The following PTPN9 variants were observed in gnomAD, a reference collection of about 807,000 sequenced individuals.
The protein encoded by PTPN9 is protein tyrosine phosphatase non-receptor type 9.
Under a neutral mutation model 69.8 loss-of-function variants are expected in PTPN9, and 26 were observed. That is an observed-to-expected ratio of 0.37 (90% CI 0.27 to 0.52). The LOEUF (loss-of-function observed/expected upper bound fraction) is 0.52. Ranked by LOEUF, PTPN9 falls within the 20% of genes least tolerant of loss-of-function variation. PTPN9 has a pLI of 0.91. For synonymous variants in PTPN9, 274 were observed against 272.5 expected (o/e 1.01, Z -0.05); for missense variants, 549 against 740.3 (o/e 0.74, Z 3.00).
At position 75,492,363 on chromosome 15, in the gene PTPN9, C is replaced by T. The variant is rs550561218; in HGVS notation, c.969-2062G>A. ...AAGCAGATAGGAGGATTTTGGCTGA[C>T]GTGGCCAGACACAGAAGCTAGGACC... On this transcript the variant is annotated intron_variant, in intron 7 of 12. Coordinates refer to ENST00000618819, the MANE Select transcript of PTPN9 (RefSeq NM_002833.4). Among the ~76,000 whole-genome samples the T allele has an allele frequency of 2.6e-5, 4 of 152,226 alleles. No individual in the cohort carries two copies. The South Asian group carries it at 6.2e-4, about 24-fold the overall frequency.
At chr15:75,526,970 C>G in intron 2 of PTPN9, 148 bp downstream of exon 2, 1 of 978,644 alleles carries the variant, frequency 1.0e-6, no homozygotes, top group Non-Finnish European at 1.5e-6. Flanking sequence ...CCAGCTTCAG[C>G]TCTCACAAGG....
Position 75,469,507 on chromosome 15 carries a change from G to A in PTPN9, c.1567+285C>T, listed in dbSNP as rs538761957. Reference sequence around the variant, plus strand: ...GGGAAGGAAGCAGCAGCCCAGCTGAGCTCTCTGGGATACCTGCAGTGACAG... The same window carrying A: ...GGGAAGGAAGCAGCAGCCCAGCTGAACTCTCTGGGATACCTGCAGTGACAG... On this transcript the variant is annotated intron_variant, in intron 12 of 12. Coordinates refer to ENST00000618819, the MANE Select transcript of PTPN9 (RefSeq NM_002833.4). Among the ~76,000 whole-genome samples, 4 of 152,366 alleles carry A rather than the reference G, an allele frequency of 2.6e-5. No homozygotes were observed. In the South Asian group the frequency reaches 8.3e-4, roughly 32 times the overall value.
At chr15:75,501,885 C>T (rs750721526) in intron 7 of PTPN9, among the ~76,000 whole-genome samples, 27 of 152,058 alleles carry the variant, frequency 1.8e-4, no homozygotes, top group African/African-American at 4.8e-4. Flanking sequence ...TGACCAGGTG[C>T]GGTGGCTCAC....
At position 75,504,639 on chromosome 15, in the gene PTPN9, T is replaced by TG. The variant is rs1177030471; in HGVS notation, c.968+1035dup. Among the ~76,000 whole-genome samples, 29 of 106,378 alleles carry TG rather than the reference T, an allele frequency of 2.7e-4. 1 individual carries two copies. The highest frequency in any genetic ancestry group is 1.7e-3 in the East Asian group (5 of 3,020). The allele number at this position is 106,378 out of a possible 152,430, so 69.8% of individuals were successfully genotyped here. A position where few individuals can be genotyped will look rare whatever the true frequency, so the allele number is the denominator to read the frequency against. ...CCAGCCGCCCCGTCTGGGAGGGAGG[T>TG]GGGGGGGTCAGCCCCCCGCCCGGCC... On this transcript the variant is annotated intron_variant, in intron 7 of 12. Coordinates refer to ENST00000618819, the MANE Select transcript of PTPN9 (RefSeq NM_002833.4).
intron 5 of PTPN9, among the ~76,000 whole-genome samples, chr15:75,511,718 T>A (rs2074845994): frequency 6.6e-6 from 1 of 152,206 alleles, no homozygotes; most frequent in South Asian, 2.1e-4. Context: ...TTTAACAAAG[T>A]CACAATATCC....
rs1177657217 is a variant in PTPN9 at position 75,579,290 on chromosome 15, C to T, written c.-514G>A. 2 of 152,172 alleles carry T rather than the reference C, an allele frequency of 1.3e-5. No individual in the cohort carries two copies. The highest frequency in any genetic ancestry group is 2.9e-5 in the Non-Finnish European group (2 of 68,044). 9.4% of individuals were successfully genotyped at this position (152,172 alleles called of 1,614,324 possible). ...CCTGCGCGGCTGCCTCAGCCAGGCTCCTCGCGGGCGGCCGCAGCGAAAGGG... is the reference window on the plus strand; with the variant it reads ...CCTGCGCGGCTGCCTCAGCCAGGCTTCTCGCGGGCGGCCGCAGCGAAAGGG... On this transcript the variant is annotated 5_prime_UTR_variant, in exon 1 of 13. Coordinates refer to ENST00000618819, the MANE Select transcript of PTPN9 (RefSeq NM_002833.4).
At chr15:75,554,007 T>TTC (rs781358927) in intron 1 of PTPN9, among the ~76,000 whole-genome samples, 3 of 62,980 alleles carry the variant, frequency 4.8e-5, no homozygotes, top group Admixed American at 1.4e-4. Context: ...CTTTCTTTCT[T>TTC]TTTTTTTTTT....
intron 5 of PTPN9, among the ~76,000 whole-genome samples, chr15:75,516,869 C>T (rs753253796): frequency 3.3e-5 from 5 of 151,626 alleles, no homozygotes; most frequent in South Asian, 2.1e-4. Flanking sequence ...CTCAGCCTCC[C>T]GAGTACCTGG....
chr15:75,543,733 C>A (rs2075019294), intron 1 of PTPN9, among the ~76,000 whole-genome samples: 1 of 151,932 alleles, frequency 6.6e-6, no homozygotes, highest in Non-Finnish European at 1.5e-5. Context: ...ATTATCCACT[C>A]AAAAAAATAA....
intron 1 of PTPN9, among the ~76,000 whole-genome samples, chr15:75,558,500 T>C (rs1043200963): frequency 8.6e-5 from 13 of 151,644 alleles, no homozygotes; most frequent in Non-Finnish European, 1.8e-4. Flanking sequence ...AGAGTGAGAC[T>C]CTCCCTCTCC....
intron 5 of PTPN9, among the ~76,000 whole-genome samples, chr15:75,514,875 AAAAAAAT>A (rs1290009521): frequency 5.9e-5 from 9 of 152,312 alleles, no homozygotes; most frequent in Non-Finnish European, 1.3e-4. Flanking sequence ...TTTGATTGGG[AAAAAAAT>A]TAAGAAGTCT....
intron 1 of PTPN9, among the ~76,000 whole-genome samples, chr15:75,571,111 T>C (rs1423305643): frequency 6.6e-6 from 1 of 151,722 alleles, no homozygotes; most frequent in East Asian, 2.0e-4. Flanking sequence ...AATACAAAAA[T>C]TAGCCAGGTA....
intron 1 of PTPN9, among the ~76,000 whole-genome samples, chr15:75,532,324 C>T (rs955741083): frequency 2.0e-5 from 3 of 152,046 alleles, no homozygotes; most frequent in African/African-American, 4.8e-5. Flanking sequence ...ATCGCTTGAA[C>T]CCAGGAGGCA....
rs1164644727 is a variant in PTPN9, at chr15:75,537,753, C to CAAAAAAAAAAAAAAAAAAAAAA, written c.64-10514_64-10493dup. ...AGGGCAACAGAGGGAGACTCCATCT[C>CAAAAAAAAAAAAAAAAAAAAAA]AAAAAAAAAAAAAAAAAAAAAAAGG... On this transcript the variant is annotated intron_variant, in intron 1 of 12. Coordinates refer to ENST00000618819, the MANE Select transcript of PTPN9 (RefSeq NM_002833.4). Among the ~76,000 whole-genome samples the CAAAAAAAAAAAAAAAAAAAAAA allele has an allele frequency of 6.4e-3, 73 of 11,384 alleles. 8 individuals carry two copies. The highest frequency in any genetic ancestry group is 8.1e-3 in the Non-Finnish European group (52 of 6,408). 7.5% of individuals were successfully genotyped at this position (11,384 alleles called of 152,430 possible).
At chr15:75,556,670 C>G (rs1022139161) in intron 1 of PTPN9, among the ~76,000 whole-genome samples, 2 of 152,174 alleles carry the variant, frequency 1.3e-5, no homozygotes, top group African/African-American at 4.8e-5. Context: ...AGCCACCACA[C>G]CTGGCCGCAT....
intron 5 of PTPN9, among the ~76,000 whole-genome samples, chr15:75,509,845 A>G (rs1460077427): frequency 1.3e-5 from 2 of 152,100 alleles, no homozygotes; most frequent in African/African-American, 4.8e-5. Flanking sequence ...TTAGCCGGGC[A>G]TGGTGGCATG....
intron 1 of PTPN9, among the ~76,000 whole-genome samples, chr15:75,553,090 T>C (rs2075062784): frequency 6.6e-6 from 1 of 151,998 alleles, no homozygotes; most frequent in African/African-American, 2.4e-5. Flanking sequence ...GGGGTAATAC[T>C]ACACAAAATT....
Position 75,578,802 on chromosome 15 carries a change from C to T in PTPN9, c.-26G>A. ...CCCCCCGCCACCGCCGCCGGGCGGACAAAACTCGCTCGCGAGCGCGGGAGC... is the reference window on the plus strand; with the variant it reads ...CCCCCCGCCACCGCCGCCGGGCGGATAAAACTCGCTCGCGAGCGCGGGAGC... On this transcript the variant is annotated 5_prime_UTR_variant, in exon 1 of 13. Transcript: ENST00000618819. 2 of 1,219,804 alleles carry T rather than the reference C, an allele frequency of 1.6e-6. No individual in the cohort carries two copies. Among genetic ancestry groups the T allele is most frequent in the African/African-American group, 3.2e-5 (2 of 63,252 alleles). The allele number at this position is 1,219,804 out of a possible 1,614,324, so 75.6% of individuals were successfully genotyped here.
chr15:75,497,621 C>T (rs559512812), intron 7 of PTPN9, among the ~76,000 whole-genome samples: 7 of 151,510 alleles, frequency 4.6e-5, no homozygotes, highest in African/African-American at 1.7e-4. Context: ...ACCAACATGG[C>T]GAAACCCCGT....
Sources: gnomAD v4.1 joint callset for allele counts (sites outside exome capture counted in the v4.1 genomes callset) on GRCh38, gnomAD v4.1.1 for gene constraint, MANE v1.5 for transcripts, NCBI Gene and HGNC (gene_info 2026-07-23, HGNC 2026-07-21) for gene names.